ABCA3: variants seen among roughly 807,000 people sequenced by gnomAD.
The protein encoded by ABCA3 is ATP binding cassette subfamily A member 3.
ABCA3 carries 88 observed loss-of-function variants against 172.8 expected under a neutral mutation model. That is an observed-to-expected ratio of 0.51 (90% CI 0.43 to 0.61). The LOEUF is 0.61. Ranked by LOEUF, ABCA3 falls within the 20% of genes least tolerant of loss-of-function variation. The pLI is 0.00. For synonymous variants in ABCA3, 1,066 were observed against 983.8 expected (o/e 1.08, Z -1.56); for missense variants, 2,164 against 2,301.0 (o/e 0.94, Z 1.22).
intron 13 of ABCA3, among the ~76,000 whole-genome samples, 172 bp downstream of exon 13, chr16:2,299,833 G>A (rs2093686109): frequency 6.6e-6 from 1 of 152,172 alleles, no homozygotes; most frequent in African/African-American, 2.4e-5. Context: ...TGTGGTCTGT[G>A]CCCTGGGGAA....
At chr16:2,326,969 AAC>A (rs1382501038) in intron 3 of ABCA3, among the ~76,000 whole-genome samples, 1 of 152,012 alleles carries the variant, frequency 6.6e-6, no homozygotes, top group Non-Finnish European at 1.5e-5. Flanking sequence ...GCCTGGGGGC[AAC>A]AGAGTAAGAC....
chr16:2,289,341 C>T (rs770711841), intron 20 of ABCA3, 93 bp downstream of exon 20: 4 of 1,472,132 alleles, frequency 2.7e-6, no homozygotes, highest in South Asian at 1.2e-5. Context: ...CCTGTTTGCG[C>T]CCTCGCAGAC....
At chr16:2,290,024 G>A (rs770583061) in intron 19 of ABCA3, among the ~76,000 whole-genome samples, 8 of 143,092 alleles carry the variant, frequency 5.6e-5, no homozygotes, top group Non-Finnish European at 7.6e-5. Flanking sequence ...GCTCCCCGCC[G>A]ATTAGGAAAC....
intron 11 of ABCA3, 38 bp downstream of exon 11, chr16:2,308,411 TG>T: frequency 6.2e-7 from 1 of 1,613,380 alleles, no homozygotes; most frequent in South Asian, 1.1e-5. Flanking sequence ...CGAAGGTTAC[TG>T]ATTCGGAAAG....
intron 1 of ABCA3, among the ~76,000 whole-genome samples, chr16:2,331,238 G>C (rs1012034239): frequency 6.6e-6 from 1 of 151,594 alleles, no homozygotes; most frequent in African/African-American, 2.4e-5. Context: ...TTCTGAGACA[G>C]AGTCTCGCTC....
chr16:2,313,870 C>A (rs1225562154), intron 10 of ABCA3, among the ~76,000 whole-genome samples: 5 of 148,152 alleles, frequency 3.4e-5, no homozygotes, highest in South Asian at 2.1e-4. Context: ...TTAGCCTGGG[C>A]AACAGAGCGA....
chr16:2,299,510 T>A lies in ABCA3; in HGVS notation c.1634A>T (p.Asp545Val), dbSNP rs1261928823. The part of the protein sequence containing the change: ...LSKVFRVGNK[D>V]RAAVRDLNLN... ...GTTCAGGTCTCTGACGGCCGCCCTG[T>A]CCTTATTTCCCACCCTGAACACCTG... Residue 545 changes from aspartate (D) to valine (V), a missense_variant, in exon 14 of 33, where the codon GAC becomes GTC. Coordinates refer to ENST00000301732, the MANE Select transcript of ABCA3 (RefSeq NM_001089.3). 1.2e-6 allele frequency: 2 copies of A among 1,613,652 alleles called. No individual in the cohort carries two copies. The highest frequency in any genetic ancestry group is 2.2e-5 in the South Asian group (2 of 91,082).
In ABCA3 at chr16:2,278,622, A is replaced by G. The variant is rs921849025; in HGVS notation, c.4548-164T>C. 2.0e-5 allele frequency among the ~76,000 whole-genome samples: 3 copies of G among 152,228 alleles called. No individual in the cohort carries two copies. Among genetic ancestry groups the G allele is most frequent in the African/African-American group, 7.2e-5 (3 of 41,458 alleles). On this transcript the variant is annotated intron_variant, in intron 29 of 32. Transcript: ENST00000301732. The surrounding 1 kb of genome is among the most constrained non-coding windows in gnomAD (Gnocchi z 4.4). ...TGTGTGCACCTGGAAAGCCCACCGC[A>G]TAGGGCTGGAGGCCCCAGAGAAGGC...
chr16:2,323,732 C>T (rs774988602), intron 6 of ABCA3, 44 bp from the exon 7 acceptor site: 64 of 1,612,536 alleles, frequency 4.0e-5, no homozygotes, highest in Non-Finnish European at 5.1e-5. Flanking sequence ...GAGATCCAGA[C>T]AGAGGGGCAA....
At position 2,281,245 on chromosome 16, in the gene ABCA3, C is replaced by T. The variant is rs368151842; in HGVS notation, c.4165-24G>A. 1.5e-4 allele frequency: 247 copies of T among 1,613,314 alleles called. No homozygotes were observed. The highest frequency in any genetic ancestry group is 4.5e-4 in the South Asian group (41 of 91,090). On this transcript the variant is annotated intron_variant, in intron 27 of 32. Coordinates refer to ENST00000301732, the MANE Select transcript of ABCA3 (RefSeq NM_001089.3). The surrounding 1 kb of genome is among the most constrained non-coding windows in gnomAD (Gnocchi z 4.7). ...ACCTGCAGGCACCCAACAGAAAACA[C>T]GGAATGCGGAGGCCTGGACGCAAAG...
rs1270358327 is a variant in ABCA3, at chr16:2,285,271, T to G, written c.3483+171A>C. Among the ~76,000 whole-genome samples, 1 of 152,058 alleles carries G rather than the reference T, an allele frequency of 6.6e-6. No homozygotes were observed. Among genetic ancestry groups the G allele is most frequent in the East Asian group, 1.9e-4 (1 of 5,164 alleles). On this transcript the variant is annotated intron_variant, in intron 23 of 32. Transcript: ENST00000301732. This position sits in a 1 kb window ranked among gnomAD's most constrained non-coding sequence, Gnocchi z 4.7. Reference sequence around the variant, plus strand: ...ATGCATGGAGGGTAAAGGCTGAGGGTGCAGGGAGGAGGCGAGGGGGCAGCC... The same window carrying G: ...ATGCATGGAGGGTAAAGGCTGAGGGGGCAGGGAGGAGGCGAGGGGGCAGCC...
intron 1 of ABCA3, among the ~76,000 whole-genome samples, chr16:2,331,710 T>C (rs1472350031): frequency 6.6e-6 from 1 of 152,258 alleles, no homozygotes; most frequent in Non-Finnish European, 1.5e-5. Context: ...CCTTCTGCAC[T>C]TGACGCCGAG....
chr16:2,321,097 C>T (rs2093725369), intron 7 of ABCA3, among the ~76,000 whole-genome samples: 1 of 150,772 alleles, frequency 6.6e-6, no homozygotes, highest in Non-Finnish European at 1.5e-5. Flanking sequence ...TTTTCTCTTG[C>T]TTCCAAGCTT....
In ABCA3 at chr16:2,285,328, G is replaced by T; in HGVS notation, c.3483+114C>A. 3 of 1,297,666 alleles carry T rather than the reference G, an allele frequency of 2.3e-6. No individual in the cohort carries two copies. Among genetic ancestry groups the T allele is most frequent in the Non-Finnish European group, 3.2e-6 (3 of 928,146 alleles). The allele number at this position is 1,297,666 out of a possible 1,614,324, so 80.4% of individuals were successfully genotyped here. ...GGATTCCAGCTGTCCTCCCTGAGTC[G>T]GGCCGAGCTGCCGGCCTAGGGGCTG... is the stretch of plus-strand genomic sequence containing the variant. On this transcript the variant is annotated intron_variant, in intron 23 of 32. Transcript: ENST00000301732. The surrounding 1 kb of genome is among the most constrained non-coding windows in gnomAD (Gnocchi z 4.7).
Position 2,298,472 on chromosome 16 carries a change from T to C in ABCA3, c.1810A>G (p.Ile604Val). The C allele has an allele frequency of 6.2e-7, 1 of 1,614,006 alleles. No homozygotes were observed. The highest frequency in any genetic ancestry group is 8.5e-7 in the Non-Finnish European group (1 of 1,180,018). ...GYEISQDMVQ[I>V]RKSLGLCPQH... ...GGGCACAGGCCCAGGCTCTTCCGGATCTGAACCATGTCCTGGGAAATTTCA... is the reference window on the plus strand; with the variant it reads ...GGGCACAGGCCCAGGCTCTTCCGGACCTGAACCATGTCCTGGGAAATTTCA... Residue 604 changes from isoleucine to valine, a missense_variant, in exon 15 of 33, where the codon ATC becomes GTC. By Grantham distance (29) the Ile-to-Val change is conservative. Around this residue, in one of 3 missense-constraint regions of ABCA3, gnomAD observed 1,343 missense variants for 1,369.6 expected, o/e 0.98. Transcript: ENST00000301732.
intron 1 of ABCA3, among the ~76,000 whole-genome samples, chr16:2,340,281 G>C (rs1046057812): frequency 2.6e-5 from 4 of 152,134 alleles, no homozygotes; most frequent in South Asian, 2.1e-4. Flanking sequence ...TCCCCGCGCG[G>C]CGCGGGCTCA....
rs763665784 is a variant in ABCA3 at position 2,297,503 on chromosome 16, C to T, written c.2089G>A (p.Ala697Thr). The T allele has an allele frequency of 6.2e-6, 10 of 1,613,264 alleles. No homozygotes were observed. Among genetic ancestry groups the T allele is most frequent in the South Asian group, 1.1e-5 (1 of 91,052 alleles). The change falls in exon 17 of 33, where the codon GCC becomes ACC. Residue 697 changes from alanine (A) to threonine (T), a missense_variant. Ala to Thr is a moderately conservative substitution (Grantham distance 58, BLOSUM62 0). Transcript: ENST00000301732. The surrounding 1 kb of genome is among the most constrained non-coding windows in gnomAD (Gnocchi z 5.6). ...TCCCAGATGGCCCTCCTGGAGATGG[C>T]GTCCATGCCCGAGGTGGGCTCGTCC... ...ILDEPTSGMD[A>T]ISRRAIWDLL... is the part of the protein sequence containing the mutation.
chr16:2,305,574 C>T (rs945659743), intron 11 of ABCA3, among the ~76,000 whole-genome samples: 2 of 152,014 alleles, frequency 1.3e-5, no homozygotes, highest in African/African-American at 2.4e-5. Flanking sequence ...AGATTACAGG[C>T]GTGAGCCACC....
rs1395609749 is a variant in ABCA3, at chr16:2,297,010, C to T, written c.2263+319G>A. Among the ~76,000 whole-genome samples, 2 of 152,206 alleles carry T rather than the reference C, an allele frequency of 1.3e-5. No individual in the cohort carries two copies. Among genetic ancestry groups the T allele is most frequent in the Admixed American group, 6.5e-5 (1 of 15,278 alleles). On this transcript the variant is annotated intron_variant, in intron 17 of 32. Coordinates refer to ENST00000301732, the MANE Select transcript of ABCA3 (RefSeq NM_001089.3). The surrounding 1 kb of genome is among the most constrained non-coding windows in gnomAD (Gnocchi z 5.6). ...CTGGCCATGCTGTGAGCTGCTCTCA[C>T]GTGGGAGCTGCCATGTTGGTGCGTG...
Sources: gnomAD v4.1 joint callset for allele counts (sites outside exome capture counted in the v4.1 genomes callset) on GRCh38, gnomAD v4.1.1 for gene constraint, gnomAD v4.1.1 regional missense constraint, Gnocchi (gnomAD v3.1) non-coding constraint, MANE v1.5 for transcripts, NCBI Gene and HGNC (gene_info 2026-07-23, HGNC 2026-07-21) for gene names.